Variants in STAT2 observed in about 807,000 individuals in gnomAD.
STAT2 encodes the protein interferon alpha induced transcriptional activator.
In STAT2, 51 loss-of-function variants were observed where a neutral mutation model predicts 122.3. The observed-to-expected ratio is 0.42, with a 90% CI of 0.33 to 0.53. The LOEUF (loss-of-function observed/expected upper bound fraction) is 0.53, where lower values mean the gene tolerates loss of function less well. Ranked by LOEUF, STAT2 falls within the 20% of genes least tolerant of loss-of-function variation. The pLI is 0.10. For missense variants in STAT2, 736 were observed against 1,010.3 expected (o/e 0.73, Z 3.68); for synonymous variants, 351 against 394.9 (o/e 0.89, Z 1.32).
chr12:56,343,781 A>G (rs985983889), intron 23 of STAT2, 44 bp downstream of exon 23: 35 of 1,602,364 alleles, frequency 2.2e-5, no homozygotes, highest in Non-Finnish European at 2.8e-5. Flanking sequence ...AGAGGTAGGA[A>G]AGGGAATGTG....
chr12:56,345,518 A>T lies in STAT2; in HGVS notation c.2102+628T>A, dbSNP rs1359993169. ...CTCAAAAAAAAAAAAAAAAAAAAAA[A>T]AAAAAAATATATATATATGCGGGGT... On this transcript the variant is annotated intron_variant, in intron 22 of 23. Coordinates refer to ENST00000314128, the MANE Select transcript of STAT2 (RefSeq NM_005419.4). Among the ~76,000 whole-genome samples the T allele has an allele frequency of 1.5e-3, 39 of 25,426 alleles. 1 individual carries two copies. The highest frequency in any genetic ancestry group is 4.3e-3 in the African/African-American group (8 of 1,868). 16.7% of individuals were successfully genotyped at this position (25,426 alleles called of 152,430 possible). A position where few individuals can be genotyped will look rare whatever the true frequency, so the allele number is the denominator to read the frequency against.
In STAT2 at chr12:56,351,554, G is replaced by A. The variant is rs969675252; in HGVS notation, c.783-104C>T. On this transcript the variant is annotated intron_variant, in intron 8 of 23. Transcript: ENST00000314128. ...ATATGTGAAGAGTCAGAAACTGACTGGGGGGAAGAAAAAAAAAGAATCCAG... is the reference window on the plus strand; with the variant it reads ...ATATGTGAAGAGTCAGAAACTGACTAGGGGGAAGAAAAAAAAAGAATCCAG... 5.7e-6 allele frequency: 7 copies of A among 1,218,514 alleles called. No individual in the cohort carries two copies. In the East Asian group the frequency reaches 1.4e-4, roughly 25 times the overall value. The allele number at this position is 1,218,514 out of a possible 1,614,324, so 75.5% of individuals were successfully genotyped here. A position where few individuals can be genotyped will look rare whatever the true frequency, so the allele number is the denominator to read the frequency against.
rs781396589 is a variant in STAT2, at chr12:56,355,718, C to T, written c.371G>A (p.Arg124Lys). 1.2e-6 allele frequency: 2 copies of T among 1,614,116 alleles called. No homozygotes were observed. Among genetic ancestry groups the T allele is most frequent in the East Asian group, 2.2e-5 (1 of 44,884 alleles). Residue 124 changes from arginine (R) to lysine (K), a missense_variant, in exon 4 of 24, where the codon AGG becomes AAG. Transcript: ENST00000314128. ...EEKRILIQAQ[R>K]AQLEQGEPVL... ...CTGAATTGTCCTCACCAATTGGGCC[C>T]TCTGAGCCTGGATCAAAATTCTTTT... is the stretch of plus-strand genomic sequence containing the variant.
intron 22 of STAT2, among the ~76,000 whole-genome samples, chr12:56,345,458 C>CCACTGCACTCCAG (rs1247425277): frequency 7.9e-6 from 1 of 126,682 alleles, no homozygotes; most frequent in Non-Finnish European, 1.6e-5. Flanking sequence ...CATGATTATA[C>CCACTGCACTCCAG]CACTGCACTC....
chr12:56,356,681 T>G (rs563569988), intron 1 of STAT2, 103 bp from the exon 2 acceptor site: 1 of 1,395,788 alleles, frequency 7.2e-7, no homozygotes, highest in South Asian at 1.5e-5. Flanking sequence ...GTTTAAATTA[T>G]ACAAGTAATA....
At chr12:56,351,680 T>A (rs1480931193) in intron 8 of STAT2, among the ~76,000 whole-genome samples, 1 of 152,232 alleles carries the variant, frequency 6.6e-6, no homozygotes, top group Non-Finnish European at 1.5e-5. Flanking sequence ...CATAACAGTT[T>A]TCATATGCTA....
In STAT2 at chr12:56,355,372, C is replaced by T. The variant is rs755566883; in HGVS notation, c.472-21G>A. 9.9e-6 allele frequency: 16 copies of T among 1,614,168 alleles called. 1 individual carries two copies. The highest frequency in any genetic ancestry group is 5.3e-5 in the African/African-American group (4 of 75,040). ...AGCTTCTGCAGAGGGGAGAGGACCC[C>T]GATGAGGCTGCTTCTCAGGGAGGTG... On this transcript the variant is annotated intron_variant, in intron 5 of 23. Transcript: ENST00000314128.
rs1592472695 is a variant in STAT2 at position 56,349,024 on chromosome 12, G to C, written c.1476C>G (p.Pro492=). The C allele has an allele frequency of 1.2e-6, 2 of 1,613,626 alleles. No individual in the cohort carries two copies. The highest frequency in any genetic ancestry group is 4.5e-5 in the East Asian group (2 of 44,874). The change falls in exon 17 of 24, where the codon CCC becomes CCG. Residue 492 remains proline, a synonymous_variant. Transcript: ENST00000314128. ...QQFFSNPPKA[P]WSLLGPALSW... ...TGAGAGCAGGGCCCAGCAAGCTCCA[G>C]GGGGCCTTGGGGGGGTTGGAGAAGA...
At chr12:56,353,315 T>C (rs1005886838) in intron 8 of STAT2, among the ~76,000 whole-genome samples, 3 of 151,648 alleles carry the variant, frequency 2.0e-5, no homozygotes, top group Non-Finnish European at 2.9e-5. Context: ...TTTTTTTTTG[T>C]AGAGATGGGG....
intron 22 of STAT2, 24 bp downstream of exon 22, chr12:56,346,122 A>T: frequency 6.2e-7 from 1 of 1,614,124 alleles, no homozygotes; most frequent in Middle Eastern, 1.6e-4. Flanking sequence ...ATTAGGGAGG[A>T]TGAATGAAGA....
At chr12:56,348,876 AG>A (rs747895118) in intron 17 of STAT2, 47 bp downstream of exon 17, 1 of 1,613,998 alleles carries the variant, frequency 6.2e-7, no homozygotes, top group South Asian at 1.1e-5. Context: ...ACAGAGGGAC[AG>A]AAAAGACTAA....
intron 19 of STAT2, among the ~76,000 whole-genome samples, chr12:56,348,177 T>C (rs1421667360): frequency 6.8e-6 from 1 of 146,136 alleles, no homozygotes; most frequent in Admixed American, 7.0e-5. Context: ...AAGCTCCATC[T>C]CCCAGGTTCA....
Position 56,349,147 on chromosome 12 carries a change from G to A in STAT2, c.1440+16C>T, listed in dbSNP as rs369374555. 26 of 1,613,886 alleles carry A rather than the reference G, an allele frequency of 1.6e-5. No individual in the cohort carries two copies. Among genetic ancestry groups the A allele is most frequent in the Middle Eastern group, 1.6e-4 (1 of 6,084 alleles). On this transcript the variant is annotated intron_variant, in intron 16 of 23. Transcript: ENST00000314128. ...CCCTCCTCTCGCGCCTTGACCTGTC[G>A]GCCCCACTCCCCTACCTGAAGGTTT... is the stretch of plus-strand genomic sequence containing the variant.
chr12:56,357,143 T>C (rs1879644056), intron 1 of STAT2, among the ~76,000 whole-genome samples: 2 of 151,360 alleles, frequency 1.3e-5, no homozygotes, highest in South Asian at 4.2e-4. Context: ...TTCAAGTGAT[T>C]CTTCTGCCTC....
At chr12:56,353,988 T>C (rs2136078025) in intron 8 of STAT2, among the ~76,000 whole-genome samples, 1 of 37,144 alleles carries the variant, frequency 2.7e-5, no homozygotes, top group Non-Finnish European at 4.0e-5. Flanking sequence ...AGAGAGAGAC[T>C]CCGTCTCAAA....
chr12:56,351,486 G>A, intron 8 of STAT2, 36 bp from the exon 9 acceptor site: 4 of 1,601,072 alleles, frequency 2.5e-6, no homozygotes, highest in Non-Finnish European at 3.4e-6. Flanking sequence ...GAATCCATGA[G>A]TTTCCTGGAT....
intron 23 of STAT2, 138 bp downstream of exon 23, chr12:56,343,687 A>C: frequency 6.5e-7 from 1 of 1,529,402 alleles, no homozygotes; most frequent in Non-Finnish European, 8.8e-7. Context: ...GGCATGTGTA[A>C]TTCCTAAAAA....
intron 22 of STAT2, 136 bp from the exon 23 acceptor site, chr12:56,344,271 C>CAGGA: frequency 7.7e-7 from 1 of 1,303,030 alleles, no homozygotes; most frequent in Non-Finnish European, 1.0e-6. Context: ...ATCAGGCCTC[C>CAGGA]TGGAGTTTGA....
chr12:56,360,004 A>C, intron 1 of STAT2, 54 bp downstream of exon 1: 14 of 956,594 alleles, frequency 1.5e-5, no homozygotes, highest in Non-Finnish European at 1.6e-5. Context: ...CCCTCGGAGG[A>C]ACTCTCACTC....
Sources: allele counts gnomAD v4.1 joint callset (sites outside exome capture counted in the v4.1 genomes callset), GRCh38; gene constraint gnomAD v4.1.1; transcripts MANE v1.5; gene names NCBI Gene and HGNC (gene_info 2026-07-23, HGNC 2026-07-21).